TLL2: variants seen among roughly 807,000 people sequenced by gnomAD.
TLL2 encodes the protein tolloid-like protein 2.
In TLL2, 106 loss-of-function variants were observed where a neutral mutation model predicts 123.0. The ratio of observed to expected loss-of-function variants is 0.86; its 90% CI spans 0.74 to 1.01. The LOEUF (loss-of-function observed/expected upper bound fraction) is 1.01. TLL2 is among the 50% of genes least tolerant of loss of function. The pLI is 0.00. For synonymous variants in TLL2, 494 were observed against 516.8 expected (o/e 0.96, Z 0.60); for missense variants, 1,332 against 1,336.7 (o/e 1.00, Z 0.06).
Position 96,396,003 on chromosome 10 carries a change from T to C in TLL2, c.1402A>G (p.Met468Val). The change falls in exon 12 of 21, where the codon ATG becomes GTG. Residue 468 changes from methionine to valine, a missense_variant. Physicochemically the swap from Met to Val is conservative, Grantham distance 21. Coordinates refer to ENST00000357947, the MANE Select transcript of TLL2 (RefSeq NM_012465.4). Reference protein sequence around the residue: ...AAYEATCGGDMNKDAGQIQSP... With the variant: ...AAYEATCGGDVNKDAGQIQSP... ...TGAATCTGACCGGCATCTTTGTTCA[T>C]GTCTCCCCCGCAGGTAGCTTTAGAA... The C allele has an allele frequency of 6.2e-7, 1 of 1,614,164 alleles. No homozygotes were observed. The highest frequency in any genetic ancestry group is 1.3e-5 in the African/African-American group (1 of 75,062).
rs772297749 is a variant in TLL2 at position 96,386,972 on chromosome 10, G to A, written c.1833C>T (p.Ala611=). The A allele has an allele frequency of 2.9e-5, 46 of 1,613,868 alleles. No homozygotes were observed. Among genetic ancestry groups the A allele is most frequent in the African/African-American group, 8.0e-5 (6 of 74,874 alleles). The part of the protein sequence containing the change: ...CACDPGYELA[A]DKKMCEVACG... ...ACCAACCTTCACACATCTTCTTATC[G>A]GCGGCCAGCTCGTAGCCAGGGTCAC... The change falls in exon 14 of 21, where the codon GCC becomes GCT. Residue 611 remains alanine (A), a synonymous_variant. Transcript: ENST00000357947.
In TLL2 at chr10:96,458,919, A is replaced by G. The variant is rs796641160; in HGVS notation, c.287-12751T>C. ...ACACCAGCCTGGGCAACATTACAAGACCCTTGTCTCTACAAAAAAATTTAA... is the reference window on the plus strand; with the variant it reads ...ACACCAGCCTGGGCAACATTACAAGGCCCTTGTCTCTACAAAAAAATTTAA... On this transcript the variant is annotated intron_variant, in intron 2 of 20. Transcript: ENST00000357947. Among the ~76,000 whole-genome samples, 61 of 152,258 alleles carry G rather than the reference A, an allele frequency of 4.0e-4. 1 individual carries two copies. The Middle Eastern group carries it at 0.014, about 34-fold the overall frequency.
At chr10:96,492,544 A>G (rs917831217) in intron 1 of TLL2, among the ~76,000 whole-genome samples, 5 of 152,188 alleles carry the variant, frequency 3.3e-5, no homozygotes, top group East Asian at 1.9e-4. Context: ...AAATTGCTTG[A>G]ACCCAGGAGG....
rs115086660 is a variant in TLL2, at chr10:96,447,539, G to A, written c.287-1371C>T. On this transcript the variant is annotated intron_variant, in intron 2 of 20. Transcript: ENST00000357947. ...GGCAGAGCTCGCAGGTAGGGCTAGT[G>A]GATTCGATCTGAGGAAAGACAGGGG... is the stretch of plus-strand genomic sequence containing the variant. 7.3e-3 allele frequency among the ~76,000 whole-genome samples: 1,109 copies of A among 152,094 alleles called. 12 individuals are homozygous for A. Among genetic ancestry groups the A allele is most frequent in the African/African-American group, 0.025 (1,053 of 41,480 alleles).
intron 18 of TLL2, 52 bp downstream of exon 18, chr10:96,376,640 A>G (rs1846139980): frequency 6.3e-7 from 1 of 1,593,106 alleles, no homozygotes; most frequent in East Asian, 2.3e-5. Flanking sequence ...TCAAACGCAC[A>G]TCTGCCTGAT....
intron 1 of TLL2, 107 bp downstream of exon 1, chr10:96,513,404 G>A: frequency 1.5e-6 from 2 of 1,375,390 alleles, no homozygotes; most frequent in Non-Finnish European, 1.0e-6. Context: ...GATCTCAGGG[G>A]AGGGGAGGGG....
At position 96,367,992 on chromosome 10, in the gene TLL2, A is replaced by T; in HGVS notation, c.*96T>A. On this transcript the variant is annotated 3_prime_UTR_variant, in exon 21 of 21. Transcript: ENST00000357947. ...AGTTTTTGTTTGAGAAAAATACTGTACACTGTTTTAGGGCAGATTTTCAAG... is the reference window on the plus strand; with the variant it reads ...AGTTTTTGTTTGAGAAAAATACTGTTCACTGTTTTAGGGCAGATTTTCAAG... 6.9e-7 allele frequency: 1 copy of T among 1,447,194 alleles called. No individual in the cohort carries two copies. Among genetic ancestry groups the T allele is most frequent in the Non-Finnish European group, 9.4e-7 (1 of 1,064,312 alleles). 89.6% of individuals were successfully genotyped at this position (1,447,194 alleles called of 1,614,324 possible).
chr10:96,459,450 A>G (rs1379844251), intron 2 of TLL2, among the ~76,000 whole-genome samples: 1 of 151,578 alleles, frequency 6.6e-6, no homozygotes. Context: ...AGGTTGAGGC[A>G]GGCAGATCAC....
At chr10:96,375,110 C>T (rs1846125852) in intron 18 of TLL2, among the ~76,000 whole-genome samples, 1 of 152,220 alleles carries the variant, frequency 6.6e-6, no homozygotes, top group Admixed American at 6.5e-5. Context: ...AAAGCTCTCC[C>T]GCCAGTGACA....
In TLL2 at chr10:96,509,675, C is replaced by T. The variant is rs994823125; in HGVS notation, c.175+3836G>A. 8.5e-5 allele frequency among the ~76,000 whole-genome samples: 13 copies of T among 152,348 alleles called. No individual in the cohort carries two copies. In the East Asian group the frequency reaches 1.5e-3, roughly 18 times the overall value. ...AACTAAAACTGGCCTTGGCCGGGCA[C>T]GGTGGCTCACGCCTGTAATCCCAGC... On this transcript the variant is annotated intron_variant, in intron 1 of 20. Coordinates refer to ENST00000357947, the MANE Select transcript of TLL2 (RefSeq NM_012465.4).
In TLL2 at chr10:96,513,654, A is replaced by G; in HGVS notation, c.32T>C (p.Val11Ala). 6.3e-7 allele frequency: 1 copy of G among 1,582,748 alleles called. No homozygotes were observed. The highest frequency in any genetic ancestry group is 8.5e-7 in the Non-Finnish European group (1 of 1,171,078). Residue 11 changes from valine to alanine, a missense_variant, in exon 1 of 21, where the codon GTG becomes GCG. Val to Ala is a moderately conservative substitution (Grantham distance 64, BLOSUM62 0). Transcript: ENST00000357947. Reference protein sequence around the residue: MPRATALGALVSLLLLLPLPR... With the variant: MPRATALGALASLLLLLPLPR... ...CAGCGGCAGCAGCAGCAGCAGTGACACCAGGGCCCCAAGTGCAGTCGCCCG... is the reference window on the plus strand; with the variant it reads ...CAGCGGCAGCAGCAGCAGCAGTGACGCCAGGGCCCCAAGTGCAGTCGCCCG...
rs1368082585 is a variant in TLL2 at position 96,365,157 on chromosome 10, G to A, written c.*2931C>T. ...TTACAATGTTTTTTAAAAAGTTTAC[G>A]AATTTGTGTCGGGCCATATTCAAAG... On this transcript the variant is annotated 3_prime_UTR_variant, in exon 21 of 21. Transcript: ENST00000357947. 1 of 152,086 alleles carries A rather than the reference G, an allele frequency of 6.6e-6. No individual in the cohort carries two copies. Among genetic ancestry groups the A allele is most frequent in the Admixed American group, 6.6e-5 (1 of 15,264 alleles). The allele number at this position is 152,086 out of a possible 1,614,324, so 9.4% of individuals were successfully genotyped here.
At chr10:96,420,916 C>G (rs1316952060) in intron 7 of TLL2, 40 bp downstream of exon 7, 1 of 1,584,594 alleles carries the variant, frequency 6.3e-7, no homozygotes, top group African/African-American at 1.3e-5. Flanking sequence ...CTGCCGCAGG[C>G]ACAGTAAAAC....
chr10:96,465,161 C>T (rs922816323), intron 2 of TLL2, among the ~76,000 whole-genome samples: 9 of 152,278 alleles, frequency 5.9e-5, no homozygotes, highest in East Asian at 5.8e-4. Flanking sequence ...TTGACCTTTG[C>T]GGGACAGATG....
chr10:96,441,868 G>T (rs1208495507), intron 3 of TLL2, among the ~76,000 whole-genome samples: 1 of 152,208 alleles, frequency 6.6e-6, no homozygotes, highest in Non-Finnish European at 1.5e-5. Flanking sequence ...CCAGCGTCGA[G>T]TGCTGTTTTG....
chr10:96,375,790 TC>T (rs1487311448), intron 18 of TLL2, among the ~76,000 whole-genome samples: 3 of 152,230 alleles, frequency 2.0e-5, no homozygotes, highest in Non-Finnish European at 4.4e-5. Flanking sequence ...CATGGACTTT[TC>T]CCTCTCTGTT....
In TLL2 at chr10:96,386,225, G is replaced by GGAAACA. The variant is rs779345732; in HGVS notation, c.1853-16_1853-11dup. 25 of 1,555,172 alleles carry GGAAACA rather than the reference G, an allele frequency of 1.6e-5. No individual in the cohort carries two copies. The South Asian group carries it at 2.1e-4, about 13-fold the overall frequency. ...AAACCGCCACAGGCCACTGCACGGG[G>GGAAACA]GAAACAGAAACAGGATTCATTTGGC... is the stretch of plus-strand genomic sequence containing the variant. On this transcript the variant is annotated splice_polypyrimidine_tract_variant and intron_variant, in intron 14 of 20. Transcript: ENST00000357947.
intron 2 of TLL2, among the ~76,000 whole-genome samples, chr10:96,469,206 A>G (rs1847155945): frequency 6.6e-6 from 1 of 152,174 alleles, no homozygotes; most frequent in Admixed American, 6.5e-5. Context: ...TCAACACACG[A>G]GAGTCTCAGC....
chr10:96,458,015 G>A (rs1847034018), intron 2 of TLL2, among the ~76,000 whole-genome samples: 1 of 152,202 alleles, frequency 6.6e-6, no homozygotes, highest in Non-Finnish European at 1.5e-5. Context: ...GCTCTGGGAC[G>A]GTGCCTGGCC....
Sources: gnomAD v4.1 joint callset for allele counts (sites outside exome capture counted in the v4.1 genomes callset) on GRCh38, gnomAD v4.1.1 for gene constraint, MANE v1.5 for transcripts, NCBI Gene and HGNC (gene_info 2026-07-23, HGNC 2026-07-21) for gene names.